TENM2: variants seen among roughly 807,000 people sequenced by gnomAD.
The protein encoded by TENM2 is teneurin-2.
A neutral mutation model predicts 245.2 loss-of-function variants in TENM2; 52 were observed. The observed-to-expected ratio is 0.21, with a 90% CI of 0.17 to 0.27. The LOEUF (loss-of-function observed/expected upper bound fraction) is 0.27, where lower values mean the gene tolerates loss of function less well. Ranked by LOEUF, TENM2 falls within the 10% of genes least tolerant of loss-of-function variation. The pLI is 1.00. For missense variants in TENM2, 3,046 were observed against 3,666.8 expected, an observed-to-expected ratio of 0.83 and a Z score of 4.37; for synonymous variants, 1,363 against 1,438.9, an observed-to-expected ratio of 0.95 and a Z score of 1.19.
intron 1 of TENM2, among the ~76,000 whole-genome samples, chr5:167,301,389 G>C (rs1373465788): frequency 2.0e-5 from 3 of 152,288 alleles, no homozygotes; most frequent in East Asian, 3.9e-4. Flanking sequence ...GGAATGCCTG[G>C]CCACTGTGGT....
At chr5:167,054,512 T>C in the TENM2 span, among the ~76,000 whole-genome samples, 1 of 152,194 alleles carries the variant, frequency 6.6e-6, no homozygotes. Flanking sequence ...GATTTTTGTG[T>C]AGACATAAGT....
At chr5:168,070,710 G>T (rs1790914864) in intron 7 of TENM2, among the ~76,000 whole-genome samples, 1 of 151,388 alleles carries the variant, frequency 6.6e-6, no homozygotes, top group South Asian at 2.1e-4. Flanking sequence ...GATTGCTTGA[G>T]CCCAGGAGGT....
chr5:168,040,186 C>T (rs547442086), intron 5 of TENM2, among the ~76,000 whole-genome samples: 165 of 152,292 alleles, frequency 1.1e-3, no homozygotes, highest in African/African-American at 3.8e-3. Context: ...TTGTGAGGGA[C>T]TAGAAGTAGG....
chr5:167,839,629 C>T (rs1473593450), intron 2 of TENM2, among the ~76,000 whole-genome samples: 1 of 151,998 alleles, frequency 6.6e-6, no homozygotes, highest in Non-Finnish European at 1.5e-5. Flanking sequence ...ATGTAATGCC[C>T]TGTCTTCCAA....
intron 2 of TENM2, among the ~76,000 whole-genome samples, chr5:167,835,710 A>G (rs1267723394): frequency 6.6e-6 from 1 of 152,218 alleles, no homozygotes; most frequent in Admixed American, 6.5e-5. Flanking sequence ...CTGCATATGA[A>G]TATAGTAACT....
At chr5:168,001,501 G>A (rs918204182) in intron 5 of TENM2, among the ~76,000 whole-genome samples, 7 of 152,282 alleles carry the variant, frequency 4.6e-5, no homozygotes, top group Non-Finnish European at 8.8e-5. Flanking sequence ...GAAAGCAATC[G>A]CTACAAGGCA....
chr5:168,101,032 T>C (rs1366319760), intron 9 of TENM2, among the ~76,000 whole-genome samples: 1 of 151,842 alleles, frequency 6.6e-6, no homozygotes, highest in African/African-American at 2.4e-5. Flanking sequence ...TAGTGCACTC[T>C]GTCAATGGCA....
chr5:167,997,683 T>A (rs2152030174), intron 5 of TENM2, among the ~76,000 whole-genome samples: 1 of 152,344 alleles, frequency 6.6e-6, no homozygotes, highest in East Asian at 1.9e-4. Flanking sequence ...ATGTAATTTT[T>A]ATGTGTTATG....
At chr5:167,081,945 G>T in the TENM2 span, among the ~76,000 whole-genome samples, 1 of 152,148 alleles carries the variant, frequency 6.6e-6, no homozygotes, top group Non-Finnish European at 1.5e-5. Context: ...CTTGCCCAGG[G>T]TTGCAAAATA....
the TENM2 span, among the ~76,000 whole-genome samples, chr5:167,119,857 GA>G: frequency 6.6e-6 from 1 of 152,196 alleles, no homozygotes; most frequent in East Asian, 1.9e-4. Flanking sequence ...GTGGAAGAGA[GA>G]ATGTGAAATA....
intron 12 of TENM2, among the ~76,000 whole-genome samples, chr5:168,148,904 TAGATAGATAGATAGATTGATA>T (rs1562217538): frequency 1.8e-4 from 25 of 136,128 alleles, no homozygotes; most frequent in Admixed American, 2.3e-4. Context: ...GATAGATAGA[TAGATAGATAGATAGATTGATA>T]GATAGCACAA....
chr5:167,438,479 C>T (rs756079959), intron 2 of TENM2, among the ~76,000 whole-genome samples: 3 of 152,134 alleles, frequency 2.0e-5, no homozygotes, highest in Non-Finnish European at 4.4e-5. Flanking sequence ...GCAAGCTCTG[C>T]CTCCTGAGTT....
intron 2 of TENM2, among the ~76,000 whole-genome samples, chr5:167,658,822 A>G (rs546085028): frequency 2.0e-5 from 3 of 152,332 alleles, no homozygotes; most frequent in East Asian, 3.9e-4. Flanking sequence ...TGTAAGAAAG[A>G]TCATGTAGCA....
chr5:167,205,285 GC>G, the TENM2 span, among the ~76,000 whole-genome samples: 2 of 152,176 alleles, frequency 1.3e-5, no homozygotes, highest in African/African-American at 4.8e-5. Flanking sequence ...AGAGGCTGAG[GC>G]ACGAGAATCG....
chr5:168,260,212 C>G, intron 27 of TENM2, 71 bp from the exon 30 acceptor site: 14 of 1,564,024 alleles, frequency 9.0e-6, no homozygotes, highest in Non-Finnish European at 1.2e-5. Context: ...ATTTTGTTCT[C>G]TCTTTAAGCT....
chr5:168,147,706 C>T (rs191772931), intron 12 of TENM2, among the ~76,000 whole-genome samples: 1 of 152,250 alleles, frequency 6.6e-6, no homozygotes, highest in Admixed American at 6.5e-5. Context: ...CATGGGGTGA[C>T]CTCTGAAAGC....
intron 4 of TENM2, among the ~76,000 whole-genome samples, chr5:167,985,265 G>T (rs1269742284): frequency 6.6e-6 from 1 of 152,102 alleles, no homozygotes; most frequent in Non-Finnish European, 1.5e-5. Context: ...TTCAGACACT[G>T]CTTGTATGAT....
the TENM2 span, among the ~76,000 whole-genome samples, chr5:167,220,065 G>A: frequency 6.6e-6 from 1 of 152,152 alleles, no homozygotes; most frequent in African/African-American, 2.4e-5. Context: ...CCTCTAAATG[G>A]ACCAGGCCTC....
exon 3 of TENM2, chr5:167,876,089 C>T (rs1248043084): frequency 2.6e-6 from 4 of 1,551,496 alleles, no homozygotes; most frequent in Non-Finnish European, 3.5e-6. Context: ...CATTGCTAGA[C>T]AGCAACACCT....
Sources: gnomAD v4.1 joint callset for allele counts (sites outside exome capture counted in the v4.1 genomes callset) on GRCh38, gnomAD v4.1.1 for gene constraint, MANE v1.5 for transcripts, NCBI Gene and HGNC (gene_info 2026-07-23, HGNC 2026-07-21) for gene names.